Variants in TMEM244 observed in about 807,000 individuals in gnomAD.
TMEM244 encodes the protein transmembrane protein 244, also known as putative transmembrane protein 244.
In TMEM244, 13 loss-of-function variants were observed where a neutral mutation model predicts 15.8. The ratio of observed to expected loss-of-function variants is 0.82; its 90% CI spans 0.53 to 1.30. The LOEUF (loss-of-function observed/expected upper bound fraction) is 1.30. TMEM244 is among the 50% of genes most tolerant of loss of function. The pLI, the probability that TMEM244 is intolerant of heterozygous loss-of-function variation, is 0.00. For synonymous variants in TMEM244, 45 were observed against 48.7 expected (o/e 0.92, Z 0.32); for missense variants, 161 against 144.9 (o/e 1.11, Z -0.57).
At chr6:129,831,515 G>T (rs1776329026) in intron 4 of TMEM244, 129 bp from the exon 5 acceptor site, 1 of 662,944 alleles carries the variant, frequency 1.5e-6, no homozygotes, top group African/African-American at 1.8e-5. Flanking sequence ...ATGAAATCAG[G>T]TAGCCCCAAG....
intron 2 of TMEM244, among the ~76,000 whole-genome samples, chr6:129,844,762 C>T (rs531664554): frequency 1.6e-4 from 25 of 152,296 alleles, no homozygotes; most frequent in South Asian, 4.1e-4. Context: ...TGAGGCTGCA[C>T]GTGAGCGCCA....
At chr6:129,842,434 C>G (rs958078538) in intron 3 of TMEM244, among the ~76,000 whole-genome samples, 3 of 152,114 alleles carry the variant, frequency 2.0e-5, no homozygotes, top group African/African-American at 4.8e-5. Context: ...AATAATGGCA[C>G]CAAACAAGGC....
intron 1 of TMEM244, among the ~76,000 whole-genome samples, chr6:129,854,368 C>T (rs1349007091): frequency 6.6e-6 from 1 of 152,200 alleles, no homozygotes; most frequent in Non-Finnish European, 1.5e-5. Flanking sequence ...ATCTTTGCTG[C>T]ACAGTGAGAG....
At chr6:129,841,932 C>G (rs1776496762) in intron 3 of TMEM244, among the ~76,000 whole-genome samples, 1 of 152,084 alleles carries the variant, frequency 6.6e-6, no homozygotes, top group African/African-American at 2.4e-5. Context: ...ATTCTCACAG[C>G]AACAACTTTG....
chr6:129,837,997 A>G (rs900527406), intron 3 of TMEM244, among the ~76,000 whole-genome samples: 1 of 152,208 alleles, frequency 6.6e-6, no homozygotes, highest in African/African-American at 2.4e-5. Context: ...CCCACTGTCA[A>G]TATTAGACAG....
intron 3 of TMEM244, among the ~76,000 whole-genome samples, chr6:129,835,784 A>T (rs1206037220): frequency 6.6e-6 from 1 of 152,206 alleles, no homozygotes; most frequent in African/African-American, 2.4e-5. Context: ...TCCCACACCC[A>T]CGGAGCCTTG....
At chr6:129,846,032 T>A (rs1776556577) in intron 1 of TMEM244, among the ~76,000 whole-genome samples, 180 bp from the exon 2 acceptor site, 1 of 152,226 alleles carries the variant, frequency 6.6e-6, no homozygotes, top group South Asian at 2.1e-4. Context: ...TTTAGCGGTA[T>A]AATTTTCTTA....
At chr6:129,842,583 T>G (rs1479726787) in intron 3 of TMEM244, among the ~76,000 whole-genome samples, 1 of 127,546 alleles carries the variant, frequency 7.8e-6, no homozygotes, top group Non-Finnish European at 1.7e-5. Context: ...TATTCTCCAG[T>G]GGTTTTTCTA....
intron 4 of TMEM244, among the ~76,000 whole-genome samples, chr6:129,833,091 A>G (rs1776353236): frequency 6.6e-6 from 1 of 152,202 alleles, no homozygotes; most frequent in Admixed American, 6.5e-5. Flanking sequence ...AAGTTTAGCT[A>G]ATAATAGTAT....
At chr6:129,841,778 C>G (rs1776494260) in intron 3 of TMEM244, among the ~76,000 whole-genome samples, 1 of 152,120 alleles carries the variant, frequency 6.6e-6, no homozygotes, top group Admixed American at 6.5e-5. Flanking sequence ...TGGACTCACA[C>G]TTTCCAGTGT....
At chr6:129,838,397 G>A (rs1562196444) in intron 3 of TMEM244, among the ~76,000 whole-genome samples, 1 of 152,142 alleles carries the variant, frequency 6.6e-6, no homozygotes. Flanking sequence ...TGAGAACAAA[G>A]ACACAATGTA....
chr6:129,851,093 T>C (rs1201829441), intron 1 of TMEM244, among the ~76,000 whole-genome samples: 1 of 152,172 alleles, frequency 6.6e-6, no homozygotes, highest in Non-Finnish European at 1.5e-5. Flanking sequence ...TTGTCTTTCA[T>C]TTGCATTTCA....
intron 1 of TMEM244, among the ~76,000 whole-genome samples, chr6:129,854,609 C>T (rs1029727370): frequency 6.6e-6 from 1 of 152,102 alleles, no homozygotes; most frequent in South Asian, 2.1e-4. Context: ...GATGAAAAAA[C>T]AGAGGCCCAG....
chr6:129,839,985 G>A (rs1301439855), intron 3 of TMEM244, among the ~76,000 whole-genome samples: 3 of 152,108 alleles, frequency 2.0e-5, no homozygotes, highest in African/African-American at 7.2e-5. Flanking sequence ...AATCAGTATC[G>A]TGAAAATGGC....
chr6:129,848,745 A>AT (rs1776596969), intron 1 of TMEM244, among the ~76,000 whole-genome samples: 1 of 152,092 alleles, frequency 6.6e-6, no homozygotes, highest in Non-Finnish European at 1.5e-5. Flanking sequence ...CAGCACTATA[A>AT]TTTTTTTAAG....
At chr6:129,845,143 T>C (rs1776544152) in intron 2 of TMEM244, among the ~76,000 whole-genome samples, 2 of 152,220 alleles carry the variant, frequency 1.3e-5, no homozygotes, top group Admixed American at 1.3e-4. Context: ...GATGATTCCA[T>C]TTGACAAATG....
chr6:129,857,883 T>C (rs1584194003), intron 1 of TMEM244, among the ~76,000 whole-genome samples: 1 of 151,330 alleles, frequency 6.6e-6, no homozygotes, highest in East Asian at 1.9e-4. Flanking sequence ...GACAAAATCA[T>C]TAGTTCTTAT....
intron 3 of TMEM244, among the ~76,000 whole-genome samples, chr6:129,833,893 T>C (rs570087945): frequency 1.3e-5 from 2 of 152,340 alleles, no homozygotes; most frequent in Admixed American, 1.3e-4. Flanking sequence ...AAATCTGTAA[T>C]TGGATTGCAA....
At chr6:129,831,943 C>A (rs1439756811) in intron 4 of TMEM244, among the ~76,000 whole-genome samples, 1 of 151,948 alleles carries the variant, frequency 6.6e-6, no homozygotes, top group South Asian at 2.1e-4. Flanking sequence ...GGCGGGGTGT[C>A]CAGTGATTGT....
Sources: gnomAD v4.1 joint callset for allele counts (sites outside exome capture counted in the v4.1 genomes callset) on GRCh38, gnomAD v4.1.1 for gene constraint, MANE v1.5 for transcripts, NCBI Gene and HGNC (gene_info 2026-07-23, HGNC 2026-07-21) for gene names.